Variants in CDH18 observed in about 807,000 individuals in gnomAD.
CDH18 encodes cadherin 18.
CDH18 carries 31 observed loss-of-function variants against 67.9 expected under a neutral mutation model. The observed-to-expected ratio is 0.46, with a 90% CI of 0.34 to 0.62. CDH18 has a LOEUF of 0.62. Among genes scored for constraint, CDH18 ranks in the 20% least tolerant of loss-of-function variants. CDH18 has a pLI of 0.01. For missense variants in CDH18, 890 were observed against 975.5 expected (o/e 0.91, Z 1.17); for synonymous variants, 362 against 347.2 (o/e 1.04, Z -0.48).
At chr5:19,676,710 A>G (rs1188225736) in intron 5 of CDH18, among the ~76,000 whole-genome samples, 1 of 151,968 alleles carries the variant, frequency 6.6e-6, no homozygotes, top group Non-Finnish European at 1.5e-5. Context: ...TCTCAGATGA[A>G]CATACATACA....
intron 5 of CDH18, among the ~76,000 whole-genome samples, chr5:19,674,572 C>G (rs1759208346): frequency 6.6e-6 from 1 of 151,982 alleles, no homozygotes; most frequent in Admixed American, 6.6e-5. Flanking sequence ...GGTAAGTAGT[C>G]AATTGACATC....
chr5:19,839,047 G>C lies in CDH18; in HGVS notation c.-61C>G. 7.4e-7 allele frequency: 1 copy of C among 1,354,198 alleles called. No individual in the cohort carries two copies. The highest frequency in any genetic ancestry group is 1.1e-6 in the Non-Finnish European group (1 of 948,458). 83.9% of individuals were successfully genotyped at this position (1,354,198 alleles called of 1,614,324 possible). A position where few individuals can be genotyped will look rare whatever the true frequency, so the allele number is the denominator to read the frequency against. On this transcript the variant is annotated 5_prime_UTR_variant, in exon 3 of 13. Coordinates refer to ENST00000382275, the MANE Select transcript of CDH18 (RefSeq NM_004934.5). Reference sequence around the variant, plus strand: ...TTTCCTTGTCAGCTACGAAAGCTTAGTGAGCATTCAAGAGAGAAGCCAGAG... The same window carrying C: ...TTTCCTTGTCAGCTACGAAAGCTTACTGAGCATTCAAGAGAGAAGCCAGAG...
chr5:19,676,430 A>C (rs1168377828), intron 5 of CDH18, among the ~76,000 whole-genome samples: 1 of 152,030 alleles, frequency 6.6e-6, no homozygotes, highest in Non-Finnish European at 1.5e-5. Flanking sequence ...CTCTTCCCCA[A>C]ATCTAGGAAT....
chr5:20,398,029 G>C (rs1745424400), intron 1 of CDH18, among the ~76,000 whole-genome samples: 2 of 152,160 alleles, frequency 1.3e-5, no homozygotes, highest in African/African-American at 4.8e-5. Flanking sequence ...CTACATTTTA[G>C]CTGTTCAATT....
chr5:19,780,518 A>G (rs928192243), intron 3 of CDH18, among the ~76,000 whole-genome samples: 6 of 152,150 alleles, frequency 3.9e-5, no homozygotes, highest in Non-Finnish European at 5.9e-5. Flanking sequence ...TTAGGAACAA[A>G]AAAGGACAAG....
At chr5:19,511,486 G>A (rs1170149299) in intron 10 of CDH18, among the ~76,000 whole-genome samples, 1 of 152,218 alleles carries the variant, frequency 6.6e-6, no homozygotes, top group Admixed American at 6.5e-5. Flanking sequence ...CTAGAGACTC[G>A]TTGAATGGCT....
chr5:20,572,149 A>G (rs1758853050), intron 1 of CDH18, among the ~76,000 whole-genome samples: 2 of 152,116 alleles, frequency 1.3e-5, no homozygotes, highest in Admixed American at 1.3e-4. Flanking sequence ...GGAATTTAAA[A>G]ATGCATTTTC....
At chr5:20,477,122 A>T (rs1486496306) in intron 1 of CDH18, among the ~76,000 whole-genome samples, 1 of 152,104 alleles carries the variant, frequency 6.6e-6, no homozygotes, top group Non-Finnish European at 1.5e-5. Context: ...AGAGTATTCC[A>T]TGGGAATGAT....
intron 1 of CDH18, among the ~76,000 whole-genome samples, chr5:20,472,432 G>T (rs1752155282): frequency 6.6e-6 from 1 of 152,122 alleles, no homozygotes; most frequent in Non-Finnish European, 1.5e-5. Flanking sequence ...TGTAACAAAT[G>T]TACCACCTTG....
chr5:19,643,249 C>T (rs1487301349), intron 5 of CDH18, among the ~76,000 whole-genome samples: 2 of 151,948 alleles, frequency 1.3e-5, no homozygotes, highest in African/African-American at 4.8e-5. Context: ...TGTAAATTGG[C>T]ACAGAAATTA....
intron 1 of CDH18, among the ~76,000 whole-genome samples, chr5:20,547,930 G>A (rs887407133): frequency 6.6e-6 from 1 of 151,660 alleles, no homozygotes; most frequent in Admixed American, 6.6e-5. Flanking sequence ...TAAGAAAAAA[G>A]CTCTCAGTTT....
intron 7 of CDH18, among the ~76,000 whole-genome samples, chr5:19,573,856 A>G (rs1741863505): frequency 6.6e-6 from 1 of 152,168 alleles, no homozygotes; most frequent in Non-Finnish European, 1.5e-5. Flanking sequence ...TGTTAGTTTT[A>G]GATCAATGTC....
intron 1 of CDH18, among the ~76,000 whole-genome samples, chr5:20,548,823 C>A (rs1757481987): frequency 6.6e-6 from 1 of 152,136 alleles, no homozygotes; most frequent in Non-Finnish European, 1.5e-5. Context: ...GCAAGGTACA[C>A]ACAGGTAGCT....
intron 1 of CDH18, among the ~76,000 whole-genome samples, chr5:20,572,893 A>G (rs559915371): frequency 1.3e-5 from 2 of 152,236 alleles, no homozygotes; most frequent in Admixed American, 6.5e-5. Flanking sequence ...CCTAAAATGA[A>G]TTGGTGAAGT....
chr5:20,257,769 CA>C lies in CDH18; in HGVS notation c.-579-2265del, dbSNP rs1744358473. Among the ~76,000 whole-genome samples the C allele has an allele frequency of 2.6e-5, 4 of 152,122 alleles. No individual in the cohort carries two copies. In the South Asian group the frequency reaches 8.3e-4, roughly 32 times the overall value. On this transcript the variant is annotated intron_variant, in intron 1 of 14. Coordinates refer to the CDH18 transcript ENST00000507958. ...TATAATATTTACTTCTACTAAGAAA[CA>C]TATTTCACTTCACTCGAAATCACAC... is the stretch of plus-strand genomic sequence containing the variant.
intron 1 of CDH18, among the ~76,000 whole-genome samples, chr5:20,493,092 T>C (rs1753682958): frequency 6.6e-6 from 1 of 152,076 alleles, no homozygotes; most frequent in Non-Finnish European, 1.5e-5. Context: ...CTCATGCCTG[T>C]AATCCCAGCA....
chr5:20,172,943 T>G (rs1299179922), intron 2 of CDH18, among the ~76,000 whole-genome samples: 1 of 149,052 alleles, frequency 6.7e-6, no homozygotes, highest in Non-Finnish European at 1.5e-5. Flanking sequence ...TGAGCCGAGA[T>G]CGCACCATTT....
intron 1 of CDH18, among the ~76,000 whole-genome samples, chr5:20,476,380 A>C (rs1247787407): frequency 6.6e-6 from 1 of 151,994 alleles, no homozygotes; most frequent in Non-Finnish European, 1.5e-5. Context: ...AAATACCAAC[A>C]TAAAGAAAAA....
At position 19,665,371 on chromosome 5, in the gene CDH18, A is replaced by G. The variant is rs1017978466; in HGVS notation, c.644-52770T>C. ...ACTTTATTGTCTAAAATGTTTTAAT[A>G]TTAAAATTATCAATCTATATCTACA... On this transcript the variant is annotated intron_variant, in intron 5 of 12. Transcript: ENST00000382275. 3.3e-5 allele frequency among the ~76,000 whole-genome samples: 5 copies of G among 152,022 alleles called. No individual in the cohort carries two copies. The South Asian group carries it at 1.0e-3, about 31-fold the overall frequency.
Sources: gnomAD v4.1 joint callset for allele counts (sites outside exome capture counted in the v4.1 genomes callset) on GRCh38, gnomAD v4.1.1 for gene constraint, MANE v1.5 for transcripts, NCBI Gene and HGNC (gene_info 2026-07-23, HGNC 2026-07-21) for gene names.